MOCOS: variants seen among roughly 807,000 people sequenced by gnomAD.
The protein encoded by MOCOS is human molybdenum cofactor sulfurase.
Under a neutral mutation model 83.6 loss-of-function variants are expected in MOCOS, and 86 were observed. The observed-to-expected ratio is 1.03, with a 90% CI of 0.86 to 1.23. The LOEUF (loss-of-function observed/expected upper bound fraction) is 1.23. MOCOS is among the 50% of genes most tolerant of loss of function. The pLI is 0.00. For synonymous variants in MOCOS, 445 were observed against 434.7 expected, an observed-to-expected ratio of 1.02 and a Z score of -0.29; for missense variants, 1,120 against 1,126.9, an observed-to-expected ratio of 0.99 and a Z score of 0.09.
chr18:36,229,343 G>A (rs965456834), intron 9 of MOCOS, among the ~76,000 whole-genome samples: 1 of 151,866 alleles, frequency 6.6e-6, no homozygotes, highest in African/African-American at 2.4e-5. Context: ...TACTTTGTCT[G>A]GCCTACAAAA....
chr18:36,200,899 G>T lies in MOCOS; in HGVS notation c.941+575G>T, dbSNP rs534295153. ...CCCCACTGTGAGTGAGTTACAGAGGGAGTCTGGGTGCAGGTTGTCACTTGC... is the reference window on the plus strand; with the variant it reads ...CCCCACTGTGAGTGAGTTACAGAGGTAGTCTGGGTGCAGGTTGTCACTTGC... On this transcript the variant is annotated intron_variant, in intron 4 of 14. Transcript: ENST00000261326. Among the ~76,000 whole-genome samples, 7 of 152,350 alleles carry T rather than the reference G, an allele frequency of 4.6e-5. No individual in the cohort carries two copies. The South Asian group carries it at 1.5e-3, about 32-fold the overall frequency.
Position 36,223,959 on chromosome 18 carries a change from G to A in MOCOS, c.1960+3742G>A, listed in dbSNP as rs113734753. Among the ~76,000 whole-genome samples the A allele has an allele frequency of 5.6e-3, 854 of 152,274 alleles. 4 individuals carry two copies. The highest frequency in any genetic ancestry group is 0.019 in the African/African-American group (790 of 41,572). On this transcript the variant is annotated intron_variant, in intron 9 of 14. Transcript: ENST00000261326. ...CAATCCTCCTGCTTCAGCCTCCTGAGTAGCTGGGACAACAGGCATGTGCCA... is the reference window on the plus strand; with the variant it reads ...CAATCCTCCTGCTTCAGCCTCCTGAATAGCTGGGACAACAGGCATGTGCCA...
chr18:36,240,186 G>A (rs373346446), intron 9 of MOCOS, among the ~76,000 whole-genome samples: 20 of 134,910 alleles, frequency 1.5e-4, no homozygotes, highest in South Asian at 1.3e-3. Context: ...GAGGAGCTGC[G>A]TTCCTTTGGA....
intron 14 of MOCOS, 132 bp from the exon 15 acceptor site, chr18:36,268,401 A>T: frequency 9.4e-7 from 1 of 1,065,902 alleles, no homozygotes. Context: ...TGTAACAGAT[A>T]GGAGATATCA....
chr18:36,242,940 G>C (rs926912751), intron 9 of MOCOS, among the ~76,000 whole-genome samples: 1 of 152,142 alleles, frequency 6.6e-6, no homozygotes, highest in African/African-American at 2.4e-5. Context: ...TGTCATCTAT[G>C]ATTTCTTTCA....
chr18:36,257,153 G>A (rs1032806594), intron 12 of MOCOS, 80 bp downstream of exon 12: 33 of 1,234,512 alleles, frequency 2.7e-5, no homozygotes, highest in Middle Eastern at 1.9e-4. Context: ...TGCCTGGAGC[G>A]GAGAGATCTG....
chr18:36,220,270 T>C, intron 9 of MOCOS, 53 bp downstream of exon 9: 1 of 1,603,644 alleles, frequency 6.2e-7, no homozygotes, highest in Non-Finnish European at 8.5e-7. Flanking sequence ...AGCTTTTATA[T>C]TCATATGAAA....
intron 5 of MOCOS, 61 bp from the exon 6 acceptor site, chr18:36,205,016 A>AAAAAAAT: frequency 1.6e-6 from 2 of 1,242,582 alleles, no homozygotes; most frequent in Non-Finnish European, 2.3e-6. Flanking sequence ...AAAAAAAAAA[A>AAAAAAAT]GAGTGAATTG....
chr18:36,255,884 G>GTTT (rs74181121), intron 11 of MOCOS, among the ~76,000 whole-genome samples: 19 of 134,052 alleles, frequency 1.4e-4, no homozygotes, highest in Non-Finnish European at 2.4e-4. Context: ...CCTTTTAGTA[G>GTTT]TTTTTTTTTT....
chr18:36,198,279 G>A (rs977859721), intron 2 of MOCOS, among the ~76,000 whole-genome samples: 9 of 151,936 alleles, frequency 5.9e-5, no homozygotes, highest in African/African-American at 1.9e-4. Flanking sequence ...TGTAGTCACA[G>A]TTAGGAGGCT....
chr18:36,243,284 G>A (rs1316544833), intron 9 of MOCOS, among the ~76,000 whole-genome samples: 3 of 151,978 alleles, frequency 2.0e-5, no homozygotes, highest in Admixed American at 2.0e-4. Context: ...TTGTCTGATT[G>A]CTCTGGCTAC....
intron 13 of MOCOS, among the ~76,000 whole-genome samples, chr18:36,262,102 A>C (rs1279980062): frequency 6.6e-6 from 1 of 152,134 alleles, no homozygotes; most frequent in East Asian, 1.9e-4. Flanking sequence ...AATAGACCAC[A>C]ACTAGTAAAA....
chr18:36,203,854 A>C (rs1379607457), intron 5 of MOCOS, among the ~76,000 whole-genome samples: 1 of 152,218 alleles, frequency 6.6e-6, no homozygotes, highest in Non-Finnish European at 1.5e-5. Flanking sequence ...GTGAGTGGGC[A>C]TGATCTGGGA....
chr18:36,195,525 G>A (rs565929180), intron 2 of MOCOS, among the ~76,000 whole-genome samples, 179 bp downstream of exon 2: 6 of 152,312 alleles, frequency 3.9e-5, no homozygotes, highest in South Asian at 2.1e-4. Flanking sequence ...ACATGTGGCC[G>A]GGATGGAGGG....
intron 1 of MOCOS, among the ~76,000 whole-genome samples, chr18:36,189,601 C>T (rs1363771478): frequency 1.3e-5 from 2 of 152,034 alleles, no homozygotes; most frequent in Admixed American, 6.5e-5. Flanking sequence ...AAATGTGTTA[C>T]CTAAAGATTT....
At chr18:36,199,624 CA>C in intron 3 of MOCOS, 58 bp from the exon 4 acceptor site, 1 of 1,608,008 alleles carries the variant, frequency 6.2e-7, no homozygotes. Context: ...AAACAGCCTG[CA>C]AACATTCAGT....
intron 8 of MOCOS, among the ~76,000 whole-genome samples, chr18:36,217,550 G>T (rs2091480062): frequency 6.6e-6 from 1 of 151,976 alleles, no homozygotes; most frequent in Non-Finnish European, 1.5e-5. Context: ...CAGACAGCTG[G>T]CTCAGGAAAA....
At chr18:36,244,942 T>C (rs2144133011) in intron 9 of MOCOS, among the ~76,000 whole-genome samples, 1 of 152,310 alleles carries the variant, frequency 6.6e-6, no homozygotes, top group East Asian at 1.9e-4. Context: ...TAAGAATAGC[T>C]ACTCCTGCTC....
chr18:36,214,152 A>G (rs2091466355), intron 7 of MOCOS, among the ~76,000 whole-genome samples: 1 of 150,894 alleles, frequency 6.6e-6, no homozygotes, highest in Non-Finnish European at 1.5e-5. Context: ...GAGGCAGGAG[A>G]ACTGCTTGAA....
Sources: gnomAD v4.1 joint callset for allele counts (sites outside exome capture counted in the v4.1 genomes callset) on GRCh38, gnomAD v4.1.1 for gene constraint, MANE v1.5 for transcripts, NCBI Gene and HGNC (gene_info 2026-07-23, HGNC 2026-07-21) for gene names.